CSNK1E: variants seen among roughly 807,000 people sequenced by gnomAD.
CSNK1E encodes the protein casein kinase 1 epsilon.
Under a neutral mutation model 46.1 loss-of-function variants are expected in CSNK1E, and 17 were observed. That is an observed-to-expected ratio of 0.37 (90% CI 0.25 to 0.55). CSNK1E has a LOEUF of 0.55. CSNK1E is among the 20% of genes least tolerant of loss of function. The probability of loss-of-function intolerance (pLI) is 0.82; values close to 1 mark genes in which losing one functional copy is unlikely to be tolerated. For synonymous variants in CSNK1E, 241 were observed against 242.6 expected (o/e 0.99, Z 0.06); for missense variants, 386 against 595.4 (o/e 0.65, Z 3.66).
Position 38,298,653 on chromosome 22 carries a change from G to T in CSNK1E, c.885+133C>A. 9.6e-7 allele frequency: 1 copy of T among 1,037,664 alleles called. No individual in the cohort carries two copies. The highest frequency in any genetic ancestry group is 1.4e-6 in the Non-Finnish European group (1 of 697,922). The allele number at this position is 1,037,664 out of a possible 1,614,324, so 64.3% of individuals were successfully genotyped here. On this transcript the variant is annotated intron_variant, in intron 7 of 10. Transcript: ENST00000396832. This position sits in a 1 kb window ranked among gnomAD's most constrained non-coding sequence, Gnocchi z 4.2. ...CTGGAGGGCTCTGGGACCCCAGTGAGGTCAACCACACTGTCCAGCTCGTAC... is the reference window on the plus strand; with the variant it reads ...CTGGAGGGCTCTGGGACCCCAGTGATGTCAACCACACTGTCCAGCTCGTAC...
At chr22:38,308,188 A>T (rs1010364028) in intron 2 of CSNK1E, among the ~76,000 whole-genome samples, 7 of 152,248 alleles carry the variant, frequency 4.6e-5, no homozygotes, top group African/African-American at 1.4e-4. Context: ...CTTTCACTTA[A>T]CACATTTTTG....
intron 10 of CSNK1E, chr22:38,292,172 A>G (rs1373701819): frequency 6.6e-6 from 1 of 151,898 alleles, no homozygotes. Flanking sequence ...TTTTTAGTAG[A>G]GATGGGTTTT....
rs2092710928 is a variant in CSNK1E at position 38,309,213 on chromosome 22, C to A, written c.76+4869G>T. Among the ~76,000 whole-genome samples the A allele has an allele frequency of 6.6e-6, 1 of 152,216 alleles. No individual in the cohort carries two copies. The highest frequency in any genetic ancestry group is 1.5e-5 in the Non-Finnish European group (1 of 68,038). ...AGGCTACCTGGTGGATACGAAAGGG[C>A]TGGAGGAGGCTAGAGGGGTAGTGGA... is the stretch of plus-strand genomic sequence containing the variant. On this transcript the variant is annotated intron_variant, in intron 2 of 10. Transcript: ENST00000396832. The surrounding 1 kb of genome is among the most constrained non-coding windows in gnomAD (Gnocchi z 4.8).
chr22:38,294,641 A>C lies in CSNK1E; in HGVS notation c.886-107T>G. On this transcript the variant is annotated intron_variant, in intron 7 of 10. Coordinates refer to ENST00000396832, the MANE Select transcript of CSNK1E (RefSeq NM_152221.3). The surrounding 1 kb of genome is among the most constrained non-coding windows in gnomAD (Gnocchi z 5.5). ...GGGAGGGAGGCCAGGTGGATATCTC[A>C]GAAACCTTCTGCTCCAGCCTCCCTG... The C allele has an allele frequency of 3.2e-5, 35 of 1,079,544 alleles. No homozygotes were observed. Among genetic ancestry groups the C allele is most frequent in the Non-Finnish European group, 4.2e-5 (32 of 766,448 alleles). The allele number at this position is 1,079,544 out of a possible 1,614,324, so 66.9% of individuals were successfully genotyped here. A position where few individuals can be genotyped will look rare whatever the true frequency, so the allele number is the denominator to read the frequency against.
chr22:38,293,951 G>A, intron 9 of CSNK1E, 158 bp downstream of exon 9: 1 of 839,472 alleles, frequency 1.2e-6, no homozygotes, highest in Non-Finnish European at 1.8e-6. Flanking sequence ...AGACCTCAGA[G>A]GATTAAATGA....
chr22:38,294,515 T>C lies in CSNK1E; in HGVS notation c.905A>G (p.Glu302Gly). The C allele has an allele frequency of 1.3e-6, 2 of 1,594,776 alleles. No homozygotes were observed. Among genetic ancestry groups the C allele is most frequent in the Non-Finnish European group, 1.7e-6 (2 of 1,171,780 alleles). Residue 302 changes from glutamate (E) to glycine (G), a missense_variant, in exon 8 of 11, where the codon GAG becomes GGG. Physicochemically the swap from Glu to Gly is moderately conservative, Grantham distance 98 (BLOSUM62 -2). This residue lies in a region of CSNK1E where 174 missense variants were observed against 185.2 expected (regional missense o/e 0.94). Transcript: ENST00000396832. The surrounding 1 kb of genome is among the most constrained non-coding windows in gnomAD (Gnocchi z 5.5). Reference sequence around the variant, plus strand: ...TTCTCGCCGCTCCCGGTCCACATCCTCGGGATTCCGGGCTGCACCCTGCAG... The same window carrying C: ...TTCTCGCCGCTCCCGGTCCACATCCCCGGGATTCCGGGCTGCACCCTGCAG... ...MLKFGAARNP[E>G]DVDRERREHE...
Position 38,298,176 on chromosome 22 carries a change from G to A in CSNK1E, c.885+610C>T, listed in dbSNP as rs578198212. On this transcript the variant is annotated intron_variant, in intron 7 of 10. Transcript: ENST00000396832. This position sits in a 1 kb window ranked among gnomAD's most constrained non-coding sequence, Gnocchi z 4.2. ...CCCTTCGCTGTCATGGGGCTGTCACGGGGCTGAGCCTGGCTCGAGGAAGCC... is the reference window on the plus strand; with the variant it reads ...CCCTTCGCTGTCATGGGGCTGTCACAGGGCTGAGCCTGGCTCGAGGAAGCC... 65 of 1,303,548 alleles carry A rather than the reference G, an allele frequency of 5.0e-5. No homozygotes were observed. The highest frequency in any genetic ancestry group is 3.2e-4 in the South Asian group (26 of 80,942). The allele number at this position is 1,303,548 out of a possible 1,614,324, so 80.7% of individuals were successfully genotyped here. A position where few individuals can be genotyped will look rare whatever the true frequency, so the allele number is the denominator to read the frequency against.
chr22:38,297,617 T>G, intron 7 of CSNK1E: 1 of 994,394 alleles, frequency 1.0e-6, no homozygotes, highest in Non-Finnish European at 1.2e-6. Context: ...CAAGAGGAGG[T>G]GTTTAATGAG....
chr22:38,308,265 C>G (rs2145846271), intron 2 of CSNK1E, among the ~76,000 whole-genome samples: 1 of 152,288 alleles, frequency 6.6e-6, no homozygotes, highest in South Asian at 2.1e-4. Context: ...ATAACTCAAT[C>G]TAGCCAGCAA....
chr22:38,312,141 C>T (rs1419327951), intron 2 of CSNK1E, among the ~76,000 whole-genome samples: 10 of 152,084 alleles, frequency 6.6e-5, no homozygotes, highest in African/African-American at 1.9e-4. Flanking sequence ...CTGACACCCA[C>T]GCTGGAGTGT....
chr22:38,296,526 G>T (rs1245667897), intron 7 of CSNK1E: 5 of 1,600,944 alleles, frequency 3.1e-6, no homozygotes, highest in Non-Finnish European at 4.3e-6. Flanking sequence ...ACTGCTGGAG[G>T]TGGTTCAGCT....
rs1491198656 is a variant in CSNK1E at position 38,315,655 on chromosome 22, C to CA, written c.-12-1487_-12-1486insT. Among the ~76,000 whole-genome samples, 4 of 2,506 alleles carry CA rather than the reference C, an allele frequency of 1.6e-3. No homozygotes were observed. In the South Asian group the frequency reaches 0.088, roughly 55 times the overall value. 1.6% of individuals were successfully genotyped at this position (2,506 alleles called of 152,430 possible). On this transcript the variant is annotated intron_variant, in intron 1 of 10. Transcript: ENST00000396832. ...GGGGTAAGGGGGGGTGTGCACGCAA[C>CA]CCCCCCCCAACACCTCAGTCCACTT...
intron 7 of CSNK1E, chr22:38,296,814 G>GT (rs2145830582): frequency 1.3e-5 from 16 of 1,197,340 alleles, no homozygotes. Context: ...GCCGGATGTG[G>GT]TGGCCACTGG....
rs2092628305 is a variant in CSNK1E, at chr22:38,294,345, C to A, written c.1075G>T (p.Ala359Ser). 1 of 1,575,980 alleles carries A rather than the reference C, an allele frequency of 6.3e-7. No homozygotes were observed. The highest frequency in any genetic ancestry group is 1.3e-5 in the African/African-American group (1 of 74,596). ...ASTPASRIQP[A>S]GNTSPRAISR... ...CACTGCCTGAGTCCCTGCTCACCAGCCGGCTGGATGCGGGAGGCTGGCGTG... is the reference window on the plus strand; with the variant it reads ...CACTGCCTGAGTCCCTGCTCACCAGACGGCTGGATGCGGGAGGCTGGCGTG... The change falls in exon 8 of 11, where the codon GCT becomes TCT. Residue 359 changes from alanine to serine, a missense_variant. Physicochemically the swap from Ala to Ser is moderately conservative, Grantham distance 99. This residue lies in a region of CSNK1E where 174 missense variants were observed against 185.2 expected (regional missense o/e 0.94). Transcript: ENST00000396832. The surrounding 1 kb of genome is among the most constrained non-coding windows in gnomAD (Gnocchi z 5.5).
Position 38,298,455 on chromosome 22 carries a change from C to G in CSNK1E, c.885+331G>C. On this transcript the variant is annotated intron_variant, in intron 7 of 10. Coordinates refer to ENST00000396832, the MANE Select transcript of CSNK1E (RefSeq NM_152221.3). This position sits in a 1 kb window ranked among gnomAD's most constrained non-coding sequence, Gnocchi z 4.2. ...GATGTGCAGAACAGGAGCAGCAGGA[C>G]GGTGTAGGCAGCAATCAGGGCAGCA... The G allele has an allele frequency of 2.6e-6, 1 of 380,710 alleles. No homozygotes were observed. The highest frequency in any genetic ancestry group is 3.7e-5 in the Admixed American group (1 of 27,024). 23.6% of individuals were successfully genotyped at this position (380,710 alleles called of 1,614,324 possible). A position where few individuals can be genotyped will look rare whatever the true frequency, so the allele number is the denominator to read the frequency against.
rs1048496735 is a variant in CSNK1E at position 38,298,099 on chromosome 22, C to T, written c.885+687G>A. On this transcript the variant is annotated intron_variant, in intron 7 of 10. Transcript: ENST00000396832. The surrounding 1 kb of genome is among the most constrained non-coding windows in gnomAD (Gnocchi z 4.2). ...AGACCTCAGAGGATCCTTACCAGTACGTGGGTGAGTACGTGGGCCCAGCAC... is the reference window on the plus strand; with the variant it reads ...AGACCTCAGAGGATCCTTACCAGTATGTGGGTGAGTACGTGGGCCCAGCAC... 8.8e-6 allele frequency: 11 copies of T among 1,250,134 alleles called. No individual in the cohort carries two copies. The highest frequency in any genetic ancestry group is 4.7e-5 in the African/African-American group (3 of 63,752). 77.4% of individuals were successfully genotyped at this position (1,250,134 alleles called of 1,614,324 possible).
Position 38,294,294 on chromosome 22 carries a change from G to T in CSNK1E, c.1079-46C>A. 1 of 1,600,112 alleles carries T rather than the reference G, an allele frequency of 6.2e-7. No homozygotes were observed. Reference sequence around the variant, plus strand: ...CACCCTCAGAGTAGGCACAAACAGAGCCCCCCACCCACCCTGAACCCAGCC... The same window carrying T: ...CACCCTCAGAGTAGGCACAAACAGATCCCCCCACCCACCCTGAACCCAGCC... On this transcript the variant is annotated intron_variant, in intron 8 of 10. Coordinates refer to ENST00000396832, the MANE Select transcript of CSNK1E (RefSeq NM_152221.3). The surrounding 1 kb of genome is among the most constrained non-coding windows in gnomAD (Gnocchi z 5.5).
intron 9 of CSNK1E, 128 bp downstream of exon 9, chr22:38,293,981 A>T: frequency 8.8e-7 from 1 of 1,142,462 alleles, no homozygotes; most frequent in Non-Finnish European, 1.2e-6. Context: ...CTGGCTCTAC[A>T]GAAGGGGTTC....
chr22:38,301,579 C>T (rs2092672715), intron 4 of CSNK1E, among the ~76,000 whole-genome samples: 1 of 152,074 alleles, frequency 6.6e-6, no homozygotes, highest in East Asian at 1.9e-4. Context: ...ACTATAGGCA[C>T]GCGCCACCAC....
Sources: gnomAD v4.1 joint callset for allele counts (sites outside exome capture counted in the v4.1 genomes callset) on GRCh38, gnomAD v4.1.1 for gene constraint, gnomAD v4.1.1 regional missense constraint, Gnocchi (gnomAD v3.1) non-coding constraint, MANE v1.5 for transcripts, NCBI Gene and HGNC (gene_info 2026-07-23, HGNC 2026-07-21) for gene names.